TOP6BL: variants seen among roughly 807,000 people sequenced by gnomAD.
TOP6BL encodes the protein type 2 DNA topoisomerase 6 subunit B-like.
the TOP6BL span, among the ~76,000 whole-genome samples, chr11:66,761,147 G>A: frequency 2.6e-3 from 388 of 152,140 alleles, 11 homozygotes; most frequent in East Asian, 0.062. Context: ...TGAAGTGGGC[G>A]GATCACGAGG....
the TOP6BL span, among the ~76,000 whole-genome samples, chr11:66,760,000 G>T: frequency 6.6e-6 from 1 of 152,038 alleles, no homozygotes; most frequent in South Asian, 2.1e-4. Flanking sequence ...ATTTCTTATG[G>T]TTGTTTGCTA....
At chr11:66,814,675 A>G in the TOP6BL span, among the ~76,000 whole-genome samples, 1 of 151,994 alleles carries the variant, frequency 6.6e-6, no homozygotes, top group Non-Finnish European at 1.5e-5. Context: ...TAATCTGTCA[A>G]CTCTGGGCCT....
the TOP6BL span, among the ~76,000 whole-genome samples, chr11:66,805,719 T>C: frequency 6.6e-6 from 1 of 152,102 alleles, no homozygotes; most frequent in Non-Finnish European, 1.5e-5. Flanking sequence ...CCTCCCAAAG[T>C]TTTGGGATTA....
the TOP6BL span, among the ~76,000 whole-genome samples, chr11:66,833,006 CA>C: frequency 4.7e-5 from 7 of 148,982 alleles, no homozygotes; most frequent in East Asian, 1.2e-3. Context: ...TCCATCTTCA[CA>C]TTGCTTTCTC....
chr11:66,809,743 G>T, the TOP6BL span, among the ~76,000 whole-genome samples: 1 of 152,120 alleles, frequency 6.6e-6, no homozygotes, highest in South Asian at 2.1e-4. Context: ...TCACTCTGTT[G>T]CCCAGGCTAA....
At chr11:66,828,552 G>T in the TOP6BL span, 1 of 559,704 alleles carries the variant, frequency 1.8e-6, no homozygotes, top group Non-Finnish European at 3.2e-6. Context: ...CTGGTTGCCT[G>T]GTGTCCAATG....
chr11:66,824,564 T>C, the TOP6BL span, among the ~76,000 whole-genome samples: 6 of 151,454 alleles, frequency 4.0e-5, no homozygotes, highest in African/African-American at 1.5e-4. Context: ...TCATTTAACA[T>C]TAGGTATACC....
At chr11:66,843,416 T>C in the TOP6BL span, 6 of 1,404,054 alleles carry the variant, frequency 4.3e-6, no homozygotes, top group African/African-American at 9.2e-5. Context: ...CACACCTCCC[T>C]GGGACTGCGT....
the TOP6BL span, among the ~76,000 whole-genome samples, chr11:66,842,607 G>A: frequency 1.3e-5 from 2 of 152,136 alleles, no homozygotes; most frequent in African/African-American, 4.8e-5. Context: ...AGTCCCCCAA[G>A]TGAGGGCTCG....
At chr11:66,775,520 T>A in the TOP6BL span, among the ~76,000 whole-genome samples, 1 of 152,206 alleles carries the variant, frequency 6.6e-6, no homozygotes, top group African/African-American at 2.4e-5. Context: ...GGAAGTGACA[T>A]GTGTCGCCTT....
chr11:66,785,253 C>T, the TOP6BL span, among the ~76,000 whole-genome samples: 4 of 152,060 alleles, frequency 2.6e-5, no homozygotes, highest in South Asian at 2.1e-4. Flanking sequence ...GCCACCGTGC[C>T]GAGCCAGTTT....
the TOP6BL span, among the ~76,000 whole-genome samples, chr11:66,795,702 A>AT: frequency 4.0e-3 from 578 of 144,438 alleles, 6 homozygotes; most frequent in Middle Eastern, 3.5e-3. Context: ...CAGAGCAGTG[A>AT]TTTTTTTTTT....
chr11:66,841,083 A>G, the TOP6BL span, among the ~76,000 whole-genome samples: 1 of 147,366 alleles, frequency 6.8e-6, no homozygotes, highest in African/African-American at 2.5e-5. Flanking sequence ...CACATCTGAA[A>G]TCTTGGATTC....
At chr11:66,793,908 C>G in the TOP6BL span, among the ~76,000 whole-genome samples, 35 of 151,998 alleles carry the variant, frequency 2.3e-4, no homozygotes, top group African/African-American at 7.5e-4. Context: ...GAGTTTGAGA[C>G]CAGCCTGGGC....
the TOP6BL span, among the ~76,000 whole-genome samples, chr11:66,832,006 A>AAG: frequency 6.6e-6 from 1 of 150,848 alleles, no homozygotes; most frequent in South Asian, 2.1e-4. Flanking sequence ...CAAAAAAAAA[A>AAG]AAAAAAAAAA....
chr11:66,835,308 T>C, the TOP6BL span, among the ~76,000 whole-genome samples: 1 of 150,432 alleles, frequency 6.6e-6, no homozygotes, highest in Non-Finnish European at 1.5e-5. Context: ...GAAAATATCC[T>C]GTTTCTTTCT....
At chr11:66,787,615 G>T in the TOP6BL span, among the ~76,000 whole-genome samples, 1 of 150,952 alleles carries the variant, frequency 6.6e-6, no homozygotes, top group East Asian at 1.9e-4. Context: ...AGCTACTTGG[G>T]TGGCTGAGGC....
At chr11:66,817,487 G>A in the TOP6BL span, among the ~76,000 whole-genome samples, 10 of 152,108 alleles carry the variant, frequency 6.6e-5, no homozygotes, top group African/African-American at 2.2e-4. Context: ...CGCCCAGGCT[G>A]GAGTGCAATA....
chr11:66,802,849 A>G, the TOP6BL span, among the ~76,000 whole-genome samples: 3 of 152,322 alleles, frequency 2.0e-5, no homozygotes, highest in African/African-American at 7.2e-5. Context: ...GCTCATCATC[A>G]TAGTTGTACT....
Sources: allele counts gnomAD v4.1 joint callset (sites outside exome capture counted in the v4.1 genomes callset), GRCh38; gene constraint gnomAD v4.1.1; transcripts MANE v1.5; gene names NCBI Gene and HGNC (gene_info 2026-07-23, HGNC 2026-07-21).